Variants in GLIS1 observed in about 807,000 individuals in gnomAD.
GLIS1 encodes zinc finger protein GLIS1.
Under a neutral mutation model 63.8 loss-of-function variants are expected in GLIS1, and 24 were observed. The ratio of observed to expected loss-of-function variants is 0.38; its 90% CI spans 0.27 to 0.53. The LOEUF (loss-of-function observed/expected upper bound fraction) is 0.53, where lower values mean the gene tolerates loss of function less well. Ranked by LOEUF, GLIS1 falls within the 20% of genes least tolerant of loss-of-function variation. GLIS1 has a pLI of 0.85. For synonymous variants in GLIS1, 450 were observed against 482.5 expected (o/e 0.93, Z 0.88); for missense variants, 1,036 against 1,074.1 (o/e 0.96, Z 0.50).
At chr1:53,543,910 C>T (rs41363049) in intron 4 of GLIS1, among the ~76,000 whole-genome samples, 9,398 of 151,926 alleles carry the variant, frequency 0.062, 1,070 homozygotes, top group East Asian at 0.52. Flanking sequence ...AAGAGAGGAC[C>T]GTGTCACTGA....
At chr1:53,605,578 C>T (rs1296076674) in intron 2 of GLIS1, among the ~76,000 whole-genome samples, 1 of 152,252 alleles carries the variant, frequency 6.6e-6, no homozygotes, top group Non-Finnish European at 1.5e-5. Context: ...GTACTCTCTA[C>T]TGCCACACAG....
At chr1:53,706,112 C>T (rs1005193704) in intron 2 of GLIS1, among the ~76,000 whole-genome samples, 1 of 152,112 alleles carries the variant, frequency 6.6e-6, no homozygotes, top group African/African-American at 2.4e-5. Context: ...CCTAAGAGAT[C>T]GATACTATTA....
intron 2 of GLIS1, among the ~76,000 whole-genome samples, chr1:53,653,866 C>T (rs961108302): frequency 6.6e-6 from 1 of 152,210 alleles, no homozygotes; most frequent in East Asian, 1.9e-4. Flanking sequence ...ACCCTACAGG[C>T]TGCCAGCAGT....
intron 2 of GLIS1, among the ~76,000 whole-genome samples, chr1:53,685,987 C>T (rs1433395269): frequency 6.6e-6 from 1 of 152,188 alleles, no homozygotes; most frequent in Non-Finnish European, 1.5e-5. Context: ...AACCTGCCCT[C>T]CCCCTCTGCC....
chr1:53,693,912 C>T (rs942442785), intron 2 of GLIS1, among the ~76,000 whole-genome samples: 1 of 152,240 alleles, frequency 6.6e-6, no homozygotes, highest in Non-Finnish European at 1.5e-5. Context: ...AAACATGACG[C>T]AGACATGAGG....
At chr1:53,537,762 C>G (rs1348436335) in intron 4 of GLIS1, among the ~76,000 whole-genome samples, 1 of 152,128 alleles carries the variant, frequency 6.6e-6, no homozygotes, top group Admixed American at 6.5e-5. Flanking sequence ...TTTGGGGGAA[C>G]AGGGCATGGC....
chr1:53,709,401 CAT>C (rs201114043), intron 2 of GLIS1, among the ~76,000 whole-genome samples: 5 of 12,050 alleles, frequency 4.1e-4, no homozygotes, highest in South Asian at 2.3e-3. Context: ...TATACATATA[CAT>C]ATATATATAC....
Position 53,726,686 on chromosome 1 carries a change from G to A in GLIS1, c.259+11120C>T, listed in dbSNP as rs115335084. Among the ~76,000 whole-genome samples the A allele has an allele frequency of 2.1e-3, 314 of 152,102 alleles. 2 individuals are homozygous for A. The highest frequency in any genetic ancestry group is 7.3e-3 in the African/African-American group (303 of 41,476). ...CCAGGACCTGTCAGAGAGATGCACC[G>A]AGGCAGCCCACACCCTCCTCCCTCC... On this transcript the variant is annotated intron_variant, in intron 2 of 10. Coordinates refer to ENST00000628545, the MANE Select transcript of GLIS1 (RefSeq NM_001367484.1).
intron 4 of GLIS1, among the ~76,000 whole-genome samples, chr1:53,552,213 G>C (rs996353235): frequency 2.6e-5 from 4 of 152,048 alleles, no homozygotes; most frequent in African/African-American, 9.7e-5. Flanking sequence ...TCCCCTACCA[G>C]CTCCCAGGCC....
At chr1:53,727,847 A>G (rs1646820707) in intron 2 of GLIS1, among the ~76,000 whole-genome samples, 1 of 152,250 alleles carries the variant, frequency 6.6e-6, no homozygotes, top group African/African-American at 2.4e-5. Context: ...TCTGCATGTG[A>G]GAACTCATGC....
chr1:53,664,521 A>G (rs1646066971), intron 2 of GLIS1, among the ~76,000 whole-genome samples: 1 of 152,246 alleles, frequency 6.6e-6, no homozygotes, highest in Non-Finnish European at 1.5e-5. Context: ...AATATGGGCA[A>G]AGTTCTAAGT....
At chr1:53,530,849 C>T (rs981239347) in intron 4 of GLIS1, among the ~76,000 whole-genome samples, 8 of 152,220 alleles carry the variant, frequency 5.3e-5, no homozygotes, top group African/African-American at 1.7e-4. Context: ...CTGCTCCTTC[C>T]GACTTCTCCC....
rs528677706 is a variant in GLIS1 at position 53,629,567 on chromosome 1, C to T, written c.260-29289G>A. ...GGCATCTTGTTCCACTCTTCCCCAGCGTGCCACCACCACACCGGCCTCCTC... is the reference window on the plus strand; with the variant it reads ...GGCATCTTGTTCCACTCTTCCCCAGTGTGCCACCACCACACCGGCCTCCTC... On this transcript the variant is annotated intron_variant, in intron 2 of 10. Coordinates refer to ENST00000628545, the MANE Select transcript of GLIS1 (RefSeq NM_001367484.1). Among the ~76,000 whole-genome samples, 18 of 152,312 alleles carry T rather than the reference C, an allele frequency of 1.2e-4. No homozygotes were observed. The East Asian group carries it at 2.1e-3, about 18-fold the overall frequency.
chr1:53,662,610 G>C (rs1431434013), intron 2 of GLIS1, among the ~76,000 whole-genome samples: 1 of 152,098 alleles, frequency 6.6e-6, no homozygotes, highest in African/African-American at 2.4e-5. Context: ...GGCAGCTACA[G>C]GGGGCAGTTT....
intron 4 of GLIS1, among the ~76,000 whole-genome samples, chr1:53,547,575 C>G (rs1344681120): frequency 6.6e-6 from 1 of 152,250 alleles, no homozygotes; most frequent in Non-Finnish European, 1.5e-5. Context: ...GCACACCTAC[C>G]CCTCCAGAAC....
At chr1:53,657,353 C>A (rs536452646) in intron 2 of GLIS1, among the ~76,000 whole-genome samples, 2 of 152,296 alleles carry the variant, frequency 1.3e-5, no homozygotes, top group Middle Eastern at 3.4e-3. Context: ...GGACTCAGAT[C>A]TCCAAGGGAG....
At chr1:53,678,642 T>C (rs1319892412) in intron 2 of GLIS1, among the ~76,000 whole-genome samples, 1 of 152,066 alleles carries the variant, frequency 6.6e-6, no homozygotes, top group Non-Finnish European at 1.5e-5. Context: ...ACTGCCCAGT[T>C]CTCTTGGCAC....
At chr1:53,586,883 G>C (rs1262959464) in intron 4 of GLIS1, among the ~76,000 whole-genome samples, 2 of 152,182 alleles carry the variant, frequency 1.3e-5, no homozygotes, top group Non-Finnish European at 2.9e-5. Flanking sequence ...CCTAGGGAGG[G>C]GACTCAGCTC....
chr1:53,562,117 G>C (rs777421121), intron 4 of GLIS1, among the ~76,000 whole-genome samples: 1 of 152,226 alleles, frequency 6.6e-6, no homozygotes, highest in African/African-American at 2.4e-5. Context: ...ATAAGTGCAT[G>C]CACGGTTAAG....
Sources: gnomAD v4.1 joint callset for allele counts (sites outside exome capture counted in the v4.1 genomes callset) on GRCh38, gnomAD v4.1.1 for gene constraint, MANE v1.5 for transcripts, NCBI Gene and HGNC (gene_info 2026-07-23, HGNC 2026-07-21) for gene names.